The following UBE2E2 variants were observed in gnomAD, a reference collection of about 807,000 sequenced individuals.
UBE2E2 encodes ubiquitin-conjugating enzyme E2 E2.
Under a neutral mutation model 24.7 loss-of-function variants are expected in UBE2E2, and 6 were observed. That is an observed-to-expected ratio of 0.24 (90% CI 0.13 to 0.48). The LOEUF (loss-of-function observed/expected upper bound fraction) is 0.48, where lower values mean the gene tolerates loss of function less well. Ranked by LOEUF, UBE2E2 falls within the 20% of genes least tolerant of loss-of-function variation. The probability of loss-of-function intolerance (pLI) is 0.99; values close to 1 mark genes in which losing one functional copy is unlikely to be tolerated. For missense variants in UBE2E2, 169 were observed against 245.0 expected, an observed-to-expected ratio of 0.69 and a Z score of 2.07; for synonymous variants, 104 against 83.6, an observed-to-expected ratio of 1.24 and a Z score of -1.33.
At chr3:23,568,360 G>A (rs867444191) in intron 5 of UBE2E2, among the ~76,000 whole-genome samples, 1 of 152,102 alleles carries the variant, frequency 6.6e-6, no homozygotes, top group Non-Finnish European at 1.5e-5. Context: ...TGGACTACAT[G>A]TGAGGATTAT....
chr3:23,450,590 A>G (rs1452505553), intron 3 of UBE2E2, among the ~76,000 whole-genome samples: 2 of 152,194 alleles, frequency 1.3e-5, no homozygotes, highest in African/African-American at 4.8e-5. Flanking sequence ...TTCTGATATC[A>G]AAATGTATTC....
intron 3 of UBE2E2, among the ~76,000 whole-genome samples, chr3:23,301,985 C>T (rs746567676): frequency 2.6e-5 from 4 of 151,334 alleles, no homozygotes; most frequent in Non-Finnish European, 5.9e-5. Flanking sequence ...TAATCATTTT[C>T]CTGATAATTC....
chr3:23,365,994 C>T (rs1316393824), intron 3 of UBE2E2, among the ~76,000 whole-genome samples: 2 of 152,050 alleles, frequency 1.3e-5, no homozygotes, highest in African/African-American at 4.8e-5. Flanking sequence ...ACAAAGTCGA[C>T]AAAAACAAGC....
rs1696025197 is a variant in UBE2E2, at chr3:23,203,484, C to T, written c.-9+20C>T. On this transcript the variant is annotated intron_variant, in intron 1 of 5. Transcript: ENST00000396703. ...CCTCAGGTATTCGCTCGGGCCGCGC[C>T]GGTGCCTCCCCTCCTCGGGCGTCCT... 2 of 982,582 alleles carry T rather than the reference C, an allele frequency of 2.0e-6. No homozygotes were observed. The highest frequency in any genetic ancestry group is 2.4e-6 in the Non-Finnish European group (2 of 829,204). The allele number at this position is 982,582 out of a possible 1,614,324, so 60.9% of individuals were successfully genotyped here.
At chr3:23,543,550 A>T (rs2125493739) in intron 5 of UBE2E2, among the ~76,000 whole-genome samples, 1 of 142,336 alleles carries the variant, frequency 7.0e-6, no homozygotes, top group East Asian at 2.2e-4. Context: ...ACACTGCTAA[A>T]AAAAAAAAAA....
chr3:23,322,211 A>G (rs1363009824), intron 3 of UBE2E2, among the ~76,000 whole-genome samples: 1 of 152,220 alleles, frequency 6.6e-6, no homozygotes, highest in Non-Finnish European at 1.5e-5. Flanking sequence ...AGTGAACTTA[A>G]TAGTGCATCT....
At chr3:23,523,777 C>T (rs1252378886) in intron 4 of UBE2E2, among the ~76,000 whole-genome samples, 2 of 151,526 alleles carry the variant, frequency 1.3e-5, no homozygotes, top group South Asian at 2.1e-4. Context: ...TGGTGCAGTG[C>T]TCTCAAATTG....
At chr3:23,421,983 T>A (rs1364010648) in intron 3 of UBE2E2, among the ~76,000 whole-genome samples, 1 of 152,204 alleles carries the variant, frequency 6.6e-6, no homozygotes, top group African/African-American at 2.4e-5. Context: ...GTAGCAGATT[T>A]GTTTACCAGT....
At chr3:23,588,451 C>G (rs1395512989) in intron 5 of UBE2E2, among the ~76,000 whole-genome samples, 1 of 140,324 alleles carries the variant, frequency 7.1e-6, no homozygotes, top group Non-Finnish European at 1.5e-5. Flanking sequence ...GGGTCTCACT[C>G]TGTCACCCAG....
At chr3:23,404,033 G>C (rs1381653196) in intron 3 of UBE2E2, among the ~76,000 whole-genome samples, 1 of 152,088 alleles carries the variant, frequency 6.6e-6, no homozygotes, top group African/African-American at 2.4e-5. Flanking sequence ...AGCAGGAACT[G>C]TATGCAAAGT....
At chr3:23,525,326 G>A (rs888645283) in intron 4 of UBE2E2, among the ~76,000 whole-genome samples, 1 of 152,096 alleles carries the variant, frequency 6.6e-6, no homozygotes, top group Non-Finnish European at 1.5e-5. Flanking sequence ...GGGGCAAGAG[G>A]GCATTATTCC....
At chr3:23,444,880 A>T (rs1159127641) in intron 3 of UBE2E2, among the ~76,000 whole-genome samples, 2 of 152,150 alleles carry the variant, frequency 1.3e-5, no homozygotes, top group Admixed American at 1.3e-4. Context: ...CAGTTATTTT[A>T]TAAGCCCTGG....
chr3:23,269,235 C>T (rs903361000), intron 3 of UBE2E2, among the ~76,000 whole-genome samples: 2 of 152,102 alleles, frequency 1.3e-5, no homozygotes, highest in African/African-American at 2.4e-5. Context: ...TTCTGCACAG[C>T]AAAAGAAACT....
At position 23,541,789 on chromosome 3, in the gene UBE2E2, A is replaced by G. The variant is rs183096083; in HGVS notation, c.508+9088A>G. ...GCTATTCAAGTGCCTCGGCCAACCA[A>G]CAAATGCCTATCTGACTATGTGCCT... On this transcript the variant is annotated intron_variant, in intron 5 of 5. Transcript: ENST00000396703. 2.0e-3 allele frequency among the ~76,000 whole-genome samples: 299 copies of G among 152,334 alleles called. 2 individuals are homozygous for G. The highest frequency in any genetic ancestry group is 8.9e-3 in the East Asian group (46 of 5,184).
intron 4 of UBE2E2, among the ~76,000 whole-genome samples, chr3:23,526,191 G>T (rs1694992999): frequency 6.6e-6 from 1 of 152,122 alleles, no homozygotes; most frequent in South Asian, 2.1e-4. Flanking sequence ...ATGTTGGAGT[G>T]CCCGGCACAT....
At chr3:23,439,981 A>C (rs1268846389) in intron 3 of UBE2E2, among the ~76,000 whole-genome samples, 1 of 148,078 alleles carries the variant, frequency 6.8e-6, no homozygotes, top group Non-Finnish European at 1.5e-5. Flanking sequence ...ATATTAAAAA[A>C]AAAAAAGAGG....
intron 4 of UBE2E2, among the ~76,000 whole-genome samples, chr3:23,521,522 A>G (rs1366753754): frequency 6.6e-6 from 1 of 152,236 alleles, no homozygotes; most frequent in African/African-American, 2.4e-5. Context: ...TAATTGATAA[A>G]TAAGTGCTGT....
chr3:23,376,459 C>T (rs530244684), intron 3 of UBE2E2, among the ~76,000 whole-genome samples: 6 of 152,286 alleles, frequency 3.9e-5, no homozygotes, highest in South Asian at 2.1e-4. Flanking sequence ...AGGTAAGATA[C>T]GTGAACCACA....
chr3:23,252,796 C>T (rs1697610528), intron 3 of UBE2E2, among the ~76,000 whole-genome samples: 1 of 152,192 alleles, frequency 6.6e-6, no homozygotes, highest in Non-Finnish European at 1.5e-5. Context: ...CACACCTGGC[C>T]ACCAGATTTT....
Sources: allele counts gnomAD v4.1 joint callset (sites outside exome capture counted in the v4.1 genomes callset), GRCh38; gene constraint gnomAD v4.1.1; transcripts MANE v1.5; gene names NCBI Gene and HGNC (gene_info 2026-07-23, HGNC 2026-07-21).